Variants in GPC5 observed in about 807,000 individuals in gnomAD.
GPC5 encodes the protein glypican 5.
In GPC5, 47 loss-of-function variants were observed where a neutral mutation model predicts 53.9. That is an observed-to-expected ratio of 0.87 (90% CI 0.69 to 1.11). The LOEUF (loss-of-function observed/expected upper bound fraction) is 1.11. Ranked by LOEUF, GPC5 falls within the 50% of genes most tolerant of loss-of-function variation. The pLI, the probability that GPC5 is intolerant of heterozygous loss-of-function variation, is 0.00. For missense variants in GPC5, 748 were observed against 713.1 expected, an observed-to-expected ratio of 1.05 and a Z score of -0.56; for synonymous variants, 286 against 263.3, an observed-to-expected ratio of 1.09 and a Z score of -0.84.
intron 7 of GPC5, among the ~76,000 whole-genome samples, chr13:92,432,899 T>C (rs926875935): frequency 1.3e-5 from 2 of 152,104 alleles, no homozygotes; most frequent in South Asian, 4.1e-4. Context: ...AAAAGATAAA[T>C]ATTTGACAGT....
intron 7 of GPC5, among the ~76,000 whole-genome samples, chr13:92,151,927 G>T (rs1443416860): frequency 1.3e-5 from 2 of 152,068 alleles, no homozygotes; most frequent in African/African-American, 2.4e-5. Flanking sequence ...ACCAATATTT[G>T]CCTGCAATAT....
At chr13:91,571,761 G>T in intron 2 of GPC5, among the ~76,000 whole-genome samples, 1 of 89,676 alleles carries the variant, frequency 1.1e-5, no homozygotes, top group African/African-American at 7.5e-5. Context: ...ACATATACAT[G>T]TGTATGTGTA....
intron 6 of GPC5, among the ~76,000 whole-genome samples, chr13:92,047,524 C>T (rs2040992633): frequency 6.6e-6 from 1 of 150,738 alleles, no homozygotes; most frequent in South Asian, 2.1e-4. Context: ...TTACTTTTAT[C>T]ATTATTATTA....
chr13:91,924,361 T>C (rs1418106507), intron 6 of GPC5, among the ~76,000 whole-genome samples: 1 of 152,148 alleles, frequency 6.6e-6, no homozygotes, highest in Non-Finnish European at 1.5e-5. Context: ...GATTCGCTCA[T>C]AATAGATTTT....
At chr13:92,796,301 G>C (rs1345559735) in intron 7 of GPC5, among the ~76,000 whole-genome samples, 2 of 152,008 alleles carry the variant, frequency 1.3e-5, no homozygotes, top group African/African-American at 4.8e-5. Context: ...TCATAGGTGG[G>C]AACTGAACAG....
chr13:91,745,319 G>C (rs1178639985), intron 4 of GPC5, among the ~76,000 whole-genome samples: 1 of 152,028 alleles, frequency 6.6e-6, no homozygotes, highest in Non-Finnish European at 1.5e-5. Flanking sequence ...GAGGAATAGA[G>C]GCATCTATCC....
chr13:91,560,429 G>T (rs1040682268), intron 2 of GPC5, among the ~76,000 whole-genome samples: 1 of 152,108 alleles, frequency 6.6e-6, no homozygotes, highest in Non-Finnish European at 1.5e-5. Context: ...AAATTCCAGG[G>T]TAGTCAAAGC....
At chr13:91,564,748 T>A (rs1420244740) in intron 2 of GPC5, among the ~76,000 whole-genome samples, 1 of 152,144 alleles carries the variant, frequency 6.6e-6, no homozygotes, top group African/African-American at 2.4e-5. Context: ...AGGTATCAAA[T>A]ATGGGCTTTT....
chr13:92,351,606 C>A (rs1010222810), intron 7 of GPC5, among the ~76,000 whole-genome samples: 3 of 151,924 alleles, frequency 2.0e-5, no homozygotes, highest in African/African-American at 4.8e-5. Context: ...AAAAAAGAAT[C>A]CACCTACAAA....
At chr13:92,473,932 A>G (rs1464824790) in intron 7 of GPC5, among the ~76,000 whole-genome samples, 2 of 152,116 alleles carry the variant, frequency 1.3e-5, no homozygotes, top group African/African-American at 2.4e-5. Flanking sequence ...AAAGAAAGCT[A>G]TTGCTCACAA....
chr13:92,077,288 T>C (rs922292025), intron 6 of GPC5, among the ~76,000 whole-genome samples: 15 of 152,208 alleles, frequency 9.9e-5, no homozygotes, highest in African/African-American at 3.6e-4. Flanking sequence ...TCTCTTAAAA[T>C]ATTTTACCGA....
At chr13:91,504,589 T>C (rs2139308724) in intron 2 of GPC5, among the ~76,000 whole-genome samples, 1 of 152,226 alleles carries the variant, frequency 6.6e-6, no homozygotes, top group East Asian at 1.9e-4. Context: ...TGCAGAGTGG[T>C]GGAAAATAAA....
In GPC5 at chr13:92,368,634, T is replaced by TAAAA. The variant is rs34793615; in HGVS notation, c.1561+223668_1561+223671dup. Among the ~76,000 whole-genome samples the TAAAA allele has an allele frequency of 2.3e-4, 15 of 66,318 alleles. 1 individual carries two copies. Among genetic ancestry groups the TAAAA allele is most frequent in the African/African-American group, 6.6e-4 (11 of 16,716 alleles). The allele number at this position is 66,318 out of a possible 152,430, so 43.5% of individuals were successfully genotyped here. A position where few individuals can be genotyped will look rare whatever the true frequency, so the allele number is the denominator to read the frequency against. On this transcript the variant is annotated intron_variant, in intron 7 of 7. Coordinates refer to ENST00000377067, the MANE Select transcript of GPC5 (RefSeq NM_004466.6). ...CCTGGGTGATAGAGCAAGACTGTCT[T>TAAAA]AAAAAAAAAAAAAAAAAAAAAAAAA...
chr13:91,754,722 T>A (rs1400915313), intron 4 of GPC5, among the ~76,000 whole-genome samples: 1 of 152,168 alleles, frequency 6.6e-6, no homozygotes, highest in South Asian at 2.1e-4. Flanking sequence ...AACATATAAA[T>A]TGATATTTGT....
intron 6 of GPC5, among the ~76,000 whole-genome samples, chr13:91,936,756 C>G (rs2039875283): frequency 6.8e-6 from 1 of 148,124 alleles, no homozygotes; most frequent in Non-Finnish European, 1.5e-5. Flanking sequence ...TAGAAAGGAA[C>G]AAATTTAAGC....
chr13:92,100,238 C>G (rs1020225019), intron 6 of GPC5, among the ~76,000 whole-genome samples: 1 of 151,902 alleles, frequency 6.6e-6, no homozygotes, highest in Non-Finnish European at 1.5e-5. Flanking sequence ...CCCTGTCTCT[C>G]CTAAAAATAC....
At chr13:91,752,761 C>G (rs2037206776) in intron 4 of GPC5, among the ~76,000 whole-genome samples, 1 of 152,190 alleles carries the variant, frequency 6.6e-6, no homozygotes, top group South Asian at 2.1e-4. Context: ...GTCCAGTCCA[C>G]TAAGTTCCAA....
intron 6 of GPC5, among the ~76,000 whole-genome samples, chr13:91,986,061 C>CTTTTTTTTT (rs779259362): frequency 8.6e-4 from 82 of 95,456 alleles, no homozygotes; most frequent in Non-Finnish European, 1.1e-3. Context: ...TTAGCCAATA[C>CTTTTTTTTT]TTTTTTTTTT....
At chr13:92,651,204 C>T (rs1431998381) in intron 7 of GPC5, among the ~76,000 whole-genome samples, 1 of 150,064 alleles carries the variant, frequency 6.7e-6, no homozygotes, top group Non-Finnish European at 1.5e-5. Context: ...TAGTTCTATC[C>T]GTCTAAGAGA....
Sources: gnomAD v4.1 joint callset for allele counts (sites outside exome capture counted in the v4.1 genomes callset) on GRCh38, gnomAD v4.1.1 for gene constraint, MANE v1.5 for transcripts, NCBI Gene and HGNC (gene_info 2026-07-23, HGNC 2026-07-21) for gene names.